The following MVB12B variants were observed in gnomAD, a reference collection of about 807,000 sequenced individuals.
The protein encoded by MVB12B is ESCRT-I complex subunit MVB12B.
In MVB12B, 16 loss-of-function variants were observed where a neutral mutation model predicts 41.6. That is an observed-to-expected ratio of 0.38 (90% confidence interval 0.26 to 0.58). The LOEUF is 0.58. MVB12B is among the 20% of genes least tolerant of loss of function. MVB12B has a pLI of 0.62. For missense variants in MVB12B, 274 were observed against 380.2 expected (o/e 0.72, Z 2.32); for synonymous variants, 133 against 139.7 (o/e 0.95, Z 0.34).
chr9:126,410,141 TTGTGTGTGTGTGTG>T (rs3222493), intron 6 of MVB12B, among the ~76,000 whole-genome samples: 1 of 148,472 alleles, frequency 6.7e-6, no homozygotes, highest in Non-Finnish European at 1.5e-5. Context: ...TGATTTGGTT[TTGTGTGTGTGTGTG>T]TGTGTGTGTG....
rs927197595 is a variant in MVB12B at position 126,503,668 on chromosome 9, G to A, written c.*405G>A. The A allele has an allele frequency of 4.0e-5, 9 of 224,864 alleles. No homozygotes were observed. The highest frequency in any genetic ancestry group is 7.9e-5 in the Non-Finnish European group (9 of 114,140). 13.9% of individuals were successfully genotyped at this position (224,864 alleles called of 1,614,324 possible). The stretch of plus-strand genomic sequence containing the variant: ...CTACCAGGGCAGACCCCACTAAGCC[G>A]TTGAGTCTCTTCCTGGAAGACCCTG... On this transcript the variant is annotated 3_prime_UTR_variant, in exon 10 of 10. Transcript: ENST00000361171.
chr9:126,417,456 C>T (rs911962382), intron 6 of MVB12B, among the ~76,000 whole-genome samples: 1 of 152,128 alleles, frequency 6.6e-6, no homozygotes, highest in Non-Finnish European at 1.5e-5. Context: ...CTGGTTTCCT[C>T]CATAATGGAG....
intron 7 of MVB12B, among the ~76,000 whole-genome samples, chr9:126,475,881 T>G (rs1833409360): frequency 6.6e-6 from 1 of 152,196 alleles, no homozygotes; most frequent in Non-Finnish European, 1.5e-5. Context: ...AAAGTCTATT[T>G]TCTAGAAGAA....
chr9:126,379,627 T>A (rs1390515528), intron 2 of MVB12B, among the ~76,000 whole-genome samples: 1 of 152,230 alleles, frequency 6.6e-6, no homozygotes, highest in Non-Finnish European at 1.5e-5. Flanking sequence ...ATAAGGGCCT[T>A]TCTTTTCCTG....
At chr9:126,481,842 GTTCT>G (rs1413387774) in intron 8 of MVB12B, among the ~76,000 whole-genome samples, 1 of 152,236 alleles carries the variant, frequency 6.6e-6, no homozygotes, top group Non-Finnish European at 1.5e-5. Flanking sequence ...AGTAAGTTTT[GTTCT>G]TTCTTACTTA....
rs139894519 is a variant in MVB12B at position 126,492,673 on chromosome 9, C to T, written c.873+8641C>T. ...GCTGGACAACATAGCACCACCCCAT[C>T]GCTACAAAAATAAAAAAATTATCCA... On this transcript the variant is annotated intron_variant, in intron 9 of 9. Coordinates refer to ENST00000361171, the MANE Select transcript of MVB12B (RefSeq NM_033446.3). 7.9e-4 allele frequency among the ~76,000 whole-genome samples: 121 copies of T among 152,260 alleles called. 1 individual carries two copies. The highest frequency in any genetic ancestry group is 2.7e-3 in the African/African-American group (114 of 41,552).
intron 5 of MVB12B, among the ~76,000 whole-genome samples, chr9:126,394,028 C>T (rs929651136): frequency 6.6e-6 from 1 of 152,226 alleles, no homozygotes; most frequent in African/African-American, 2.4e-5. Flanking sequence ...CAGAGTTTCA[C>T]CTCGGTGGGT....
chr9:126,503,224 G>A lies in MVB12B; in HGVS notation c.921G>A (p.Pro307=), dbSNP rs775114124. 11 of 1,550,566 alleles carry A rather than the reference G, an allele frequency of 7.1e-6. No individual in the cohort carries two copies. The highest frequency in any genetic ancestry group is 8.7e-6 in the Non-Finnish European group (10 of 1,146,980). Residue 307 remains proline (P), a synonymous_variant, in exon 10 of 10, where the codon CCG becomes CCA. Coordinates refer to ENST00000361171, the MANE Select transcript of MVB12B (RefSeq NM_033446.3). The part of the protein sequence containing the change: ...RTEQSAAARL[P]PSPTRCQQIP... ...AGCAGAGCGCAGCCGCCAGGCTCCC[G>A]CCCAGCCCCACCAGGTGTCAGCAGA... is the stretch of plus-strand genomic sequence containing the variant.
chr9:126,437,837 T>C (rs1832527373), intron 7 of MVB12B, among the ~76,000 whole-genome samples: 1 of 152,250 alleles, frequency 6.6e-6, no homozygotes, highest in South Asian at 2.1e-4. Context: ...AAATTACTTT[T>C]CACACCATTT....
At chr9:126,475,977 T>C (rs1028993784) in intron 7 of MVB12B, among the ~76,000 whole-genome samples, 18 of 126,384 alleles carry the variant, frequency 1.4e-4, no homozygotes, top group African/African-American at 2.6e-5. Flanking sequence ...TCTCTGTCAC[T>C]TGACCAGACA....
At chr9:126,463,992 A>G (rs1482276395) in intron 7 of MVB12B, among the ~76,000 whole-genome samples, 1 of 152,218 alleles carries the variant, frequency 6.6e-6, no homozygotes, top group Admixed American at 6.5e-5. Flanking sequence ...CCCGTTTCAC[A>G]GAGTCCTAAA....
At chr9:126,425,096 C>T (rs939694905) in intron 7 of MVB12B, among the ~76,000 whole-genome samples, 4 of 152,138 alleles carry the variant, frequency 2.6e-5, no homozygotes, top group African/African-American at 9.7e-5. Flanking sequence ...TCAGAATATG[C>T]AGTGATCTCA....
intron 2 of MVB12B, among the ~76,000 whole-genome samples, chr9:126,361,759 A>C (rs1003963146): frequency 3.9e-5 from 6 of 152,110 alleles, no homozygotes; most frequent in South Asian, 2.1e-4. Context: ...CTACAAATAC[A>C]AAAAATTAGC....
At chr9:126,356,634 C>T (rs1005657360) in intron 2 of MVB12B, among the ~76,000 whole-genome samples, 1 of 151,958 alleles carries the variant, frequency 6.6e-6, no homozygotes, top group African/African-American at 2.4e-5. Flanking sequence ...ATTTTGTCAC[C>T]CTGTATCTCA....
At chr9:126,362,742 A>G (rs1830060319) in intron 2 of MVB12B, among the ~76,000 whole-genome samples, 1 of 152,216 alleles carries the variant, frequency 6.6e-6, no homozygotes. Context: ...CTTTGAAAAA[A>G]GATTGGACGC....
intron 1 of MVB12B, among the ~76,000 whole-genome samples, chr9:126,328,299 C>A (rs1351273264): frequency 6.6e-6 from 1 of 152,078 alleles, no homozygotes; most frequent in Non-Finnish European, 1.5e-5. Context: ...GTTGACGTGG[C>A]GATTACTGGT....
Position 126,345,084 on chromosome 9 carries a change from T to C in MVB12B, c.204+4454T>C, listed in dbSNP as rs1829551964. Reference sequence around the variant, plus strand: ...AAACTTACTTTTAGTGAGACCTTTCTGGGACTTTGGGGATAATGGGAGTGA... The same window carrying C: ...AAACTTACTTTTAGTGAGACCTTTCCGGGACTTTGGGGATAATGGGAGTGA... On this transcript the variant is annotated intron_variant, in intron 2 of 9. Coordinates refer to ENST00000361171, the MANE Select transcript of MVB12B (RefSeq NM_033446.3). Among the ~76,000 whole-genome samples, 4 of 152,346 alleles carry C rather than the reference T, an allele frequency of 2.6e-5. No individual in the cohort carries two copies. In the South Asian group the frequency reaches 8.3e-4, roughly 32 times the overall value.
intron 7 of MVB12B, among the ~76,000 whole-genome samples, chr9:126,433,312 C>G (rs1429787921): frequency 1.3e-5 from 2 of 149,430 alleles, no homozygotes; most frequent in East Asian, 3.9e-4. Context: ...ACCAGGTATC[C>G]CCTCTGATAC....
intron 3 of MVB12B, among the ~76,000 whole-genome samples, chr9:126,384,133 C>G (rs1219964455): frequency 6.6e-6 from 1 of 152,128 alleles, no homozygotes; most frequent in Non-Finnish European, 1.5e-5. Flanking sequence ...CCAGGCGACT[C>G]TGAAAGCAGC....
Sources: allele counts gnomAD v4.1 joint callset (sites outside exome capture counted in the v4.1 genomes callset), GRCh38; gene constraint gnomAD v4.1.1; transcripts MANE v1.5; gene names NCBI Gene and HGNC (gene_info 2026-07-23, HGNC 2026-07-21).